The following NAALADL2 variants were observed in gnomAD, a reference collection of about 807,000 sequenced individuals.
NAALADL2 encodes the protein N-acetylated alpha-linked acidic dipeptidase like 2.
Under a neutral mutation model 87.2 loss-of-function variants are expected in NAALADL2, and 76 were observed. The ratio of observed to expected loss-of-function variants is 0.87; its 90% CI spans 0.72 to 1.05. The LOEUF (loss-of-function observed/expected upper bound fraction) is 1.05. Ranked by LOEUF, NAALADL2 falls within the 50% of genes least tolerant of loss-of-function variation. The probability of loss-of-function intolerance (pLI) is 0.00; values close to 1 mark genes in which losing one functional copy is unlikely to be tolerated. For synonymous variants in NAALADL2, 354 were observed against 331.0 expected, an observed-to-expected ratio of 1.07 and a Z score of -0.75; for missense variants, 1,089 against 945.8, an observed-to-expected ratio of 1.15 and a Z score of -1.99.
chr3:175,196,198 GC>G (rs973264622), intron 2 of NAALADL2, among the ~76,000 whole-genome samples: 1 of 151,784 alleles, frequency 6.6e-6, no homozygotes, highest in Non-Finnish European at 1.5e-5. Context: ...TTTCCTTCAA[GC>G]TTTGGGGGTT....
intron 11 of NAALADL2, among the ~76,000 whole-genome samples, chr3:175,663,783 C>G (rs1004126677): frequency 6.6e-6 from 1 of 151,678 alleles, no homozygotes; most frequent in Non-Finnish European, 1.5e-5. Context: ...TTTGTATTTA[C>G]TAAGATAAAT....
chr3:175,036,295 C>G (rs1240486867), intron 1 of NAALADL2, among the ~76,000 whole-genome samples: 2 of 152,038 alleles, frequency 1.3e-5, no homozygotes, highest in Admixed American at 1.3e-4. Context: ...TTTCGACCAT[C>G]AATATGTTTT....
At chr3:175,617,432 TCA>T (rs1334022567) in intron 10 of NAALADL2, among the ~76,000 whole-genome samples, 3 of 152,146 alleles carry the variant, frequency 2.0e-5, no homozygotes, top group Non-Finnish European at 4.4e-5. Context: ...GTTGTCCCCA[TCA>T]CAGATTGGAC....
intron 2 of NAALADL2, among the ~76,000 whole-genome samples, chr3:174,661,596 T>C (rs1458829114): frequency 6.6e-6 from 1 of 152,184 alleles, no homozygotes; most frequent in Non-Finnish European, 1.5e-5. Context: ...ATGTAATTTG[T>C]ATAAATTTAA....
At chr3:174,703,087 T>C (rs981451034) in intron 2 of NAALADL2, among the ~76,000 whole-genome samples, 35 of 152,166 alleles carry the variant, frequency 2.3e-4, no homozygotes, top group African/African-American at 8.4e-4. Context: ...TGGGGACTTT[T>C]GGATTTGGGG....
At chr3:174,969,944 T>A (rs1292006287) in intron 1 of NAALADL2, among the ~76,000 whole-genome samples, 1 of 152,218 alleles carries the variant, frequency 6.6e-6, no homozygotes, top group African/African-American at 2.4e-5. Flanking sequence ...AAGAAAAATA[T>A]GTCATGTGTC....
At chr3:175,347,984 T>A (rs114301383) in intron 5 of NAALADL2, among the ~76,000 whole-genome samples, 1 of 151,974 alleles carries the variant, frequency 6.6e-6, no homozygotes, top group South Asian at 2.1e-4. Context: ...GAACATGCAG[T>A]GTTTGGTTTA....
intron 1 of NAALADL2, among the ~76,000 whole-genome samples, chr3:174,957,575 A>G (rs930500561): frequency 2.0e-5 from 3 of 152,016 alleles, no homozygotes. Flanking sequence ...GACCCAATAG[A>G]AAAAGTTTTA....
intron 3 of NAALADL2, among the ~76,000 whole-genome samples, chr3:174,827,741 G>A (rs1457168850): frequency 1.3e-5 from 2 of 152,168 alleles, no homozygotes; most frequent in East Asian, 3.9e-4. Flanking sequence ...TTAAAATCTA[G>A]CCTTATAGAT....
chr3:175,141,385 A>G (rs1327606933), intron 2 of NAALADL2, among the ~76,000 whole-genome samples: 1 of 152,074 alleles, frequency 6.6e-6, no homozygotes, highest in Non-Finnish European at 1.5e-5. Flanking sequence ...TGAAGTAGAA[A>G]TACAAACTGA....
At chr3:175,719,574 G>T (rs970732502) in intron 11 of NAALADL2, among the ~76,000 whole-genome samples, 4 of 152,044 alleles carry the variant, frequency 2.6e-5, no homozygotes, top group Non-Finnish European at 5.9e-5. Flanking sequence ...TAATATTTTT[G>T]AATATTTCCA....
At chr3:175,338,635 AC>A (rs1762264853) in intron 5 of NAALADL2, among the ~76,000 whole-genome samples, 1 of 137,656 alleles carries the variant, frequency 7.3e-6, no homozygotes. Flanking sequence ...ACACACACAC[AC>A]ACACACACAC....
chr3:174,546,357 C>T (rs754642784), intron 1 of NAALADL2, among the ~76,000 whole-genome samples: 1 of 152,120 alleles, frequency 6.6e-6, no homozygotes, highest in Non-Finnish European at 1.5e-5. Flanking sequence ...TGTACCTCTG[C>T]TCTTTTGTTT....
At chr3:175,780,298 G>T (rs1576801846) in intron 13 of NAALADL2, among the ~76,000 whole-genome samples, 1 of 149,544 alleles carries the variant, frequency 6.7e-6, no homozygotes, top group Admixed American at 6.6e-5. Flanking sequence ...CCAATAAAAA[G>T]AATTTTTCCT....
chr3:175,244,473 C>G (rs1581093831), intron 3 of NAALADL2, among the ~76,000 whole-genome samples: 1 of 152,042 alleles, frequency 6.6e-6, no homozygotes, highest in African/African-American at 2.4e-5. Context: ...GTTGAGCAAC[C>G]AACCGAGATA....
rs868203238 is a variant in NAALADL2 at position 175,607,150 on chromosome 3, G to C, written c.1801-20141G>C. Among the ~76,000 whole-genome samples, 95 of 152,148 alleles carry C rather than the reference G, an allele frequency of 6.2e-4. 1 individual carries two copies. Among genetic ancestry groups the C allele is most frequent in the Admixed American group, 3.3e-4 (5 of 15,276 alleles). On this transcript the variant is annotated intron_variant, in intron 10 of 13. Coordinates refer to ENST00000454872, the MANE Select transcript of NAALADL2 (RefSeq NM_207015.3). ...ATTAAGCCAAATGTTTTTCAGATGA[G>C]TGTTCCATTGAACTTAGATTATATA...
chr3:175,351,500 G>C (rs953612441), intron 5 of NAALADL2, among the ~76,000 whole-genome samples: 7 of 151,686 alleles, frequency 4.6e-5, no homozygotes, highest in African/African-American at 1.2e-4. Flanking sequence ...TACTACCATA[G>C]ATTCAAAATG....
At chr3:174,726,731 T>G (rs896012732) in intron 2 of NAALADL2, among the ~76,000 whole-genome samples, 6 of 152,126 alleles carry the variant, frequency 3.9e-5, no homozygotes, top group Admixed American at 3.9e-4. Flanking sequence ...GCTCTTCTTT[T>G]CTTGCCCCTC....
intron 1 of NAALADL2, among the ~76,000 whole-genome samples, chr3:175,013,618 G>T (rs1750444472): frequency 6.6e-6 from 1 of 151,840 alleles, no homozygotes; most frequent in African/African-American, 2.4e-5. Context: ...TTTGATTAAT[G>T]AATTAATAAA....
Sources: allele counts gnomAD v4.1 joint callset (sites outside exome capture counted in the v4.1 genomes callset), GRCh38; gene constraint gnomAD v4.1.1; transcripts MANE v1.5; gene names NCBI Gene and HGNC (gene_info 2026-07-23, HGNC 2026-07-21).